GABRA2: variants seen among roughly 807,000 people sequenced by gnomAD.
GABRA2 encodes the protein gamma-aminobutyric acid type A receptor subunit alpha2.
In GABRA2, 16 loss-of-function variants were observed where a neutral mutation model predicts 48.7. The ratio of observed to expected loss-of-function variants is 0.33; its 90% CI spans 0.22 to 0.50. The LOEUF (loss-of-function observed/expected upper bound fraction) is 0.50. Among genes scored for constraint, GABRA2 ranks in the 20% least tolerant of loss-of-function variants. GABRA2 has a pLI of 0.98. For missense variants in GABRA2, 275 were observed against 535.6 expected (o/e 0.51, Z 4.80); for synonymous variants, 185 against 184.5 (o/e 1.00, Z -0.02).
chr4:46,256,406 T>C (rs1213747009), intron 9 of GABRA2: 1 of 501,436 alleles, frequency 2.0e-6, no homozygotes, highest in Non-Finnish European at 3.6e-6. Flanking sequence ...AATCCATTAT[T>C]GCGTTTATTG....
At chr4:46,292,834 A>C (rs1294664367) in intron 8 of GABRA2, among the ~76,000 whole-genome samples, 1 of 152,166 alleles carries the variant, frequency 6.6e-6, no homozygotes, top group Non-Finnish European at 1.5e-5. Flanking sequence ...AATGCTTTGC[A>C]AAATAGATTT....
At chr4:46,290,667 T>G (rs747539234) in intron 8 of GABRA2, among the ~76,000 whole-genome samples, 6 of 152,122 alleles carry the variant, frequency 3.9e-5, no homozygotes, top group Non-Finnish European at 7.4e-5. Context: ...AATTTTTACT[T>G]TGGTTTATTT....
intron 6 of GABRA2, among the ~76,000 whole-genome samples, chr4:46,306,365 A>G (rs1391744533): frequency 6.6e-6 from 1 of 152,180 alleles, no homozygotes. Flanking sequence ...AGGAAGAGGA[A>G]AAACTGCAAC....
intron 3 of GABRA2, among the ~76,000 whole-genome samples, chr4:46,333,859 C>A (rs1293225377): frequency 6.6e-6 from 1 of 152,054 alleles, no homozygotes; most frequent in African/African-American, 2.4e-5. Flanking sequence ...ATAACCCAAG[C>A]AATCTAGTTT....
chr4:46,381,948 A>T (rs1453391967), intron 3 of GABRA2, among the ~76,000 whole-genome samples: 1 of 152,182 alleles, frequency 6.6e-6, no homozygotes, highest in Non-Finnish European at 1.5e-5. Context: ...TCATGGTGGC[A>T]CACTGAAAGC....
intron 7 of GABRA2, 79 bp from the exon 8 acceptor site, chr4:46,303,691 G>A: frequency 8.0e-7 from 1 of 1,257,188 alleles, no homozygotes; most frequent in Non-Finnish European, 1.1e-6. Context: ...ATCAGAGGTA[G>A]AACAAAAACT....
At chr4:46,263,149 AATC>A (rs1385411438) in intron 8 of GABRA2, among the ~76,000 whole-genome samples, 6 of 152,242 alleles carry the variant, frequency 3.9e-5, no homozygotes, top group Admixed American at 6.5e-5. Context: ...GAAAATAACA[AATC>A]AGCAGCAACT....
intron 9 of GABRA2, among the ~76,000 whole-genome samples, chr4:46,254,792 C>T (rs1332448629): frequency 6.6e-6 from 1 of 151,506 alleles, no homozygotes; most frequent in Non-Finnish European, 1.5e-5. Flanking sequence ...ACCTACACAT[C>T]CCACAGGTAA....
chr4:46,383,368 C>A (rs1345359866), intron 3 of GABRA2, among the ~76,000 whole-genome samples: 1 of 152,200 alleles, frequency 6.6e-6, no homozygotes, highest in Non-Finnish European at 1.5e-5. Context: ...AAGAGCGATA[C>A]TCAACATACC....
chr4:46,375,059 G>A (rs1442062), intron 3 of GABRA2, among the ~76,000 whole-genome samples: 38,204 of 151,818 alleles, frequency 0.25, 5,159 homozygotes, highest in African/African-American at 0.32. Flanking sequence ...TTTAACTCAT[G>A]TATCAAATTA....
intron 9 of GABRA2, among the ~76,000 whole-genome samples, chr4:46,256,835 A>G (rs1715933414): frequency 6.6e-6 from 1 of 151,748 alleles, no homozygotes; most frequent in Admixed American, 6.6e-5. Context: ...GATGTTTTCT[A>G]TGAATTAAAT....
At chr4:46,255,795 C>G (rs1045909943) in intron 9 of GABRA2, among the ~76,000 whole-genome samples, 1 of 151,482 alleles carries the variant, frequency 6.6e-6, no homozygotes, top group African/African-American at 2.4e-5. Flanking sequence ...ACCATGGTGT[C>G]AAAACAATCT....
intron 9 of GABRA2, among the ~76,000 whole-genome samples, chr4:46,253,414 G>A (rs1715199612): frequency 6.6e-6 from 1 of 151,406 alleles, no homozygotes; most frequent in Non-Finnish European, 1.5e-5. Context: ...TATCAACCCT[G>A]CATATTTGTA....
rs912428974 is a variant in GABRA2 at position 46,247,808 on chromosome 4, C to T, written c.*2500G>A. ...TAAAAGCAATTTCCACGGAGCATCC[C>T]TAGTCTCCCCACAAGAGAAGAAGCT... On this transcript the variant is annotated 3_prime_UTR_variant, in exon 10 of 10. Coordinates refer to ENST00000381620, the MANE Select transcript of GABRA2 (RefSeq NM_000807.4). Among the ~76,000 whole-genome samples the T allele has an allele frequency of 1.7e-4, 25 of 151,156 alleles. No homozygotes were observed. The highest frequency in any genetic ancestry group is 5.8e-4 in the African/African-American group (24 of 41,316).
chr4:46,339,199 G>A (rs907032301), intron 3 of GABRA2, among the ~76,000 whole-genome samples: 4 of 151,640 alleles, frequency 2.6e-5, no homozygotes, highest in Non-Finnish European at 4.4e-5. Context: ...GACACATGTG[G>A]CCATTTAAAT....
At chr4:46,368,896 G>C (rs1165141569) in intron 3 of GABRA2, 1 of 640,046 alleles carries the variant, frequency 1.6e-6, no homozygotes, top group Admixed American at 2.3e-5. Flanking sequence ...TCTCCATTAT[G>C]CTCCACTCAT....
At chr4:46,328,860 T>A (rs1305807269) in intron 4 of GABRA2, among the ~76,000 whole-genome samples, 2 of 152,050 alleles carry the variant, frequency 1.3e-5, no homozygotes, top group Non-Finnish European at 2.9e-5. Flanking sequence ...TTATCTTGAT[T>A]TCCAGTAAAA....
At chr4:46,296,650 CAG>C (rs1242116163) in intron 8 of GABRA2, among the ~76,000 whole-genome samples, 2 of 90,538 alleles carry the variant, frequency 2.2e-5, no homozygotes, top group African/African-American at 4.9e-5. Context: ...ATTACTCTAT[CAG>C]GGGGAAAAAA....
intron 9 of GABRA2, among the ~76,000 whole-genome samples, chr4:46,252,180 T>C (rs1024268873): frequency 7.3e-5 from 11 of 151,392 alleles, no homozygotes; most frequent in African/African-American, 2.7e-4. Flanking sequence ...CTGGCCTGAG[T>C]TTCTTCCTCT....
Sources: allele counts gnomAD v4.1 joint callset (sites outside exome capture counted in the v4.1 genomes callset), GRCh38; gene constraint gnomAD v4.1.1; transcripts MANE v1.5; gene names NCBI Gene and HGNC (gene_info 2026-07-23, HGNC 2026-07-21).